HTT: variants seen among roughly 807,000 people sequenced by gnomAD.
HTT encodes huntingtin, also known as huntington disease protein.
In HTT, 104 loss-of-function variants were observed where a neutral mutation model predicts 362.3. That is an observed-to-expected ratio of 0.29 (90% CI 0.24 to 0.34). The LOEUF (loss-of-function observed/expected upper bound fraction) is 0.34, where lower values mean the gene tolerates loss of function less well. Among genes scored for constraint, HTT ranks in the 10% least tolerant of loss-of-function variants. The pLI, the probability that HTT is intolerant of heterozygous loss-of-function variation, is 1.00. For synonymous variants in HTT, 1,577 were observed against 1,548.7 expected, an observed-to-expected ratio of 1.02 and a Z score of -0.43; for missense variants, 3,301 against 3,928.6, an observed-to-expected ratio of 0.84 and a Z score of 4.27.
chr4:3,190,885 G>A lies in HTT; in HGVS notation c.5368+1792G>A, dbSNP rs181644556. 2.1e-4 allele frequency among the ~76,000 whole-genome samples: 32 copies of A among 152,318 alleles called. No individual in the cohort carries two copies. In the East Asian group the frequency reaches 3.7e-3, roughly 17 times the overall value. On this transcript the variant is annotated intron_variant, in intron 40 of 66. Coordinates refer to ENST00000355072, the MANE Select transcript of HTT (RefSeq NM_001388492.1). The stretch of plus-strand genomic sequence containing the variant: ...AAGCCTAGTTCTAGGGGATAGGCAC[G>A]TCTTTCTTCTCTCAAGAAAATAGAA...
At chr4:3,207,991 G>A (rs1719952843) in intron 45 of HTT, among the ~76,000 whole-genome samples, 1 of 152,086 alleles carries the variant, frequency 6.6e-6, no homozygotes. Context: ...CAGAGAAGGA[G>A]AATATAATTA....
In HTT at chr4:3,240,140, C is replaced by G. The variant is rs992662415; in HGVS notation, c.*81C>G. 4.6e-5 allele frequency: 58 copies of G among 1,252,660 alleles called. No individual in the cohort carries two copies. The highest frequency in any genetic ancestry group is 6.2e-5 in the Non-Finnish European group (55 of 888,914). The allele number at this position is 1,252,660 out of a possible 1,614,324, so 77.6% of individuals were successfully genotyped here. ...CTGCGCCCTTGTGCCCTGCCTCCAC[C>G]GAGCCAGCTTGGTCCCTATGGGCTT... On this transcript the variant is annotated 3_prime_UTR_variant, in exon 67 of 67. Transcript: ENST00000355072.
At chr4:3,096,498 T>A (rs1713864251) in intron 2 of HTT, among the ~76,000 whole-genome samples, 2 of 152,178 alleles carry the variant, frequency 1.3e-5, no homozygotes, top group South Asian at 4.1e-4. Context: ...TTAAAAGCAT[T>A]CAAATTATTC....
intron 2 of HTT, among the ~76,000 whole-genome samples, chr4:3,089,497 C>T: frequency 6.6e-6 from 1 of 152,324 alleles, no homozygotes; most frequent in Non-Finnish European, 1.5e-5. Flanking sequence ...TCGTGATCCG[C>T]CCGCCTCGGC....
chr4:3,198,489 T>G (rs1295176672), intron 40 of HTT, among the ~76,000 whole-genome samples: 2 of 152,130 alleles, frequency 1.3e-5, no homozygotes, highest in South Asian at 4.1e-4. Flanking sequence ...CCTCCCAAAG[T>G]GCTGTGATTA....
chr4:3,085,900 GC>G (rs1203733945), intron 1 of HTT, among the ~76,000 whole-genome samples: 1 of 152,112 alleles, frequency 6.6e-6, no homozygotes, highest in African/African-American at 2.4e-5. Flanking sequence ...GATCATCTTC[GC>G]CAGGCTGTTT....
intron 61 of HTT, among the ~76,000 whole-genome samples, 195 bp downstream of exon 61, chr4:3,233,548 C>T (rs1218497768): frequency 6.6e-6 from 1 of 152,234 alleles, no homozygotes; most frequent in Non-Finnish European, 1.5e-5. Flanking sequence ...CCTCGGGCAC[C>T]TCCAGCGAGC....
intron 2 of HTT, 141 bp downstream of exon 2, chr4:3,087,163 A>G (rs1256973625): frequency 1.9e-6 from 1 of 524,028 alleles, no homozygotes; most frequent in African/African-American, 1.9e-5. Flanking sequence ...CTTTTCCCAT[A>G]TTTCTGGCTA....
At chr4:3,127,852 T>C (rs1257169951) in intron 12 of HTT, among the ~76,000 whole-genome samples, 1 of 151,604 alleles carries the variant, frequency 6.6e-6, no homozygotes, top group Non-Finnish European at 1.5e-5. Context: ...TAGTCCCAGC[T>C]GTTAGGGAGG....
chr4:3,154,140 A>AAC (rs1359984127), intron 26 of HTT, among the ~76,000 whole-genome samples, 153 bp from the exon 27 acceptor site: 14 of 152,338 alleles, frequency 9.2e-5, no homozygotes, highest in African/African-American at 3.4e-4. Context: ...ACAGTGTCTG[A>AAC]ACTGTACATA....
rs138835084 is a variant in HTT at position 3,240,655 on chromosome 4, C to T, written c.*596C>T. ...ATATCAGTAAAGAGATTAATTTTAA[C>T]GTAACTCTTTCTATGCCCGTGTAAA... On this transcript the variant is annotated 3_prime_UTR_variant, in exon 67 of 67. Transcript: ENST00000355072. The T allele has an allele frequency of 2.4e-3, 367 of 155,600 alleles. 4 individuals carry two copies. Among genetic ancestry groups the T allele is most frequent in the African/African-American group, 7.9e-3 (327 of 41,570 alleles). 9.6% of individuals were successfully genotyped at this position (155,600 alleles called of 1,614,324 possible).
Position 3,220,198 on chromosome 4 carries a change from G to A in HTT, c.7259G>A (p.Trp2420Ter). The change falls in exon 53 of 67, where the codon TGG (tryptophan) becomes TAG (stop). Residue 2420 changes from tryptophan to a stop codon, truncating the protein, a stop_gained. Coordinates refer to ENST00000355072, the MANE Select transcript of HTT (RefSeq NM_001388492.1). LOFTEE classifies it high-confidence loss of function. ...TCTTCTCAGGTGTGGAAGCTTGGAT[G>A]GTCACCCAAACCGGGAGGGGATTTT... ...RVPPLVWKLG[W>*]SPKPGGDFGT... 6.2e-7 allele frequency: 1 copy of A among 1,614,136 alleles called. No homozygotes were observed. Among genetic ancestry groups the A allele is most frequent in the Non-Finnish European group, 8.5e-7 (1 of 1,180,012 alleles).
chr4:3,157,234 C>T, intron 28 of HTT, 35 bp downstream of exon 28: 1 of 1,581,842 alleles, frequency 6.3e-7, no homozygotes, highest in Non-Finnish European at 8.6e-7. Flanking sequence ...AATATATATG[C>T]ACACATACTT....
intron 12 of HTT, chr4:3,128,989 C>G (rs1299067669): frequency 6.6e-6 from 1 of 152,240 alleles, no homozygotes; most frequent in Non-Finnish European, 1.5e-5. Flanking sequence ...CTGAATTTGA[C>G]TACTTTGGGT....
intron 1 of HTT, among the ~76,000 whole-genome samples, chr4:3,084,330 A>G (rs576575042): frequency 6.7e-6 from 1 of 148,962 alleles, no homozygotes; most frequent in South Asian, 2.1e-4. Context: ...TCAGTCTCCC[A>G]TGTTCAGAGT....
intron 2 of HTT, among the ~76,000 whole-genome samples, chr4:3,091,238 CTG>C (rs1328701409): frequency 2.0e-5 from 3 of 152,094 alleles, no homozygotes; most frequent in African/African-American, 4.8e-5. Flanking sequence ...ATGTGTGTAT[CTG>C]TATGAATTTA....
intron 6 of HTT, among the ~76,000 whole-genome samples, chr4:3,112,139 T>C (rs1317361563): frequency 1.3e-5 from 2 of 152,222 alleles, no homozygotes; most frequent in Non-Finnish European, 2.9e-5. Context: ...CTTTACATGA[T>C]TTTTGTGGGG....
chr4:3,127,918 C>T (rs189083965), intron 12 of HTT, among the ~76,000 whole-genome samples: 178 of 151,686 alleles, frequency 1.2e-3, no homozygotes, highest in Middle Eastern at 6.8e-3. Flanking sequence ...GAGCCGAGAT[C>T]GTGACACTGC....
At position 3,116,086 on chromosome 4, in the gene HTT, C is replaced by G; in HGVS notation, c.891C>G (p.Gly297=). ...FYSWLLNVLL[G]LLVPVEDEHS... Reference sequence around the variant, plus strand: ...GATGTCTTGCTTCCACCCCCACAGGCTTACTCGTTCCTGTCGAGGATGAAC... The same window carrying G: ...GATGTCTTGCTTCCACCCCCACAGGGTTACTCGTTCCTGTCGAGGATGAAC... Residue 297 remains glycine, a splice_region_variant and synonymous_variant, in exon 8 of 67, where the codon GGC becomes GGG. Transcript: ENST00000355072. 1 of 1,606,806 alleles carries G rather than the reference C, an allele frequency of 6.2e-7. No homozygotes were observed. The highest frequency in any genetic ancestry group is 8.5e-7 in the Non-Finnish European group (1 of 1,175,030).
Sources: allele counts gnomAD v4.1 joint callset (sites outside exome capture counted in the v4.1 genomes callset), GRCh38; gene constraint gnomAD v4.1.1; transcripts MANE v1.5; gene names NCBI Gene and HGNC (gene_info 2026-07-23, HGNC 2026-07-21).